STIP1: variants seen among roughly 807,000 people sequenced by gnomAD.
STIP1 encodes the protein stress induced phosphoprotein 1.
Under a neutral mutation model 77.4 loss-of-function variants are expected in STIP1, and 16 were observed. The observed-to-expected ratio is 0.21, with a 90% CI of 0.14 to 0.31. The LOEUF (loss-of-function observed/expected upper bound fraction) is 0.31. STIP1 is among the 10% of genes least tolerant of loss of function. STIP1 has a pLI of 1.00. For synonymous variants in STIP1, 258 were observed against 246.6 expected (o/e 1.05, Z -0.44); for missense variants, 524 against 684.8 (o/e 0.77, Z 2.62).
intron 5 of STIP1, among the ~76,000 whole-genome samples, chr11:64,196,260 A>ATGG (rs1422269683): frequency 6.6e-6 from 1 of 150,980 alleles, no homozygotes; most frequent in East Asian, 2.0e-4. Flanking sequence ...GCCAGGTGTC[A>ATGG]TGGTGGGCGC....
chr11:64,202,398 A>AG (rs1946228160), intron 10 of STIP1: 1 of 145,180 alleles, frequency 6.9e-6, no homozygotes, highest in African/African-American at 2.7e-5. Flanking sequence ...CCAGGCCAGC[A>AG]AATTTTTTTT....
At chr11:64,186,979 C>T (rs1435412373) in intron 1 of STIP1, among the ~76,000 whole-genome samples, 4 of 152,084 alleles carry the variant, frequency 2.6e-5, no homozygotes, top group African/African-American at 9.7e-5. Flanking sequence ...CGGCCCCTCC[C>T]CCTCTTTTTG....
At position 64,200,181 on chromosome 11, in the gene STIP1, AG is replaced by A; in HGVS notation, c.1135del (p.Ala379ProfsTer2). On this transcript the variant is annotated frameshift_variant, in exon 10 of 14. Coordinates refer to ENST00000305218, the MANE Select transcript of STIP1 (RefSeq NM_006819.3). LOFTEE classifies it high-confidence loss of function. ...TTTTCTTCCCCAGGGGACTATCCCC[AG>A]GCCATGAAGCATTATACAGAAGCCA... Reference protein sequence around the residue: ...NECFQKGDYPQAMKHYTEAIK... With the variant: ...NECFQKGDYPXAMKHYTEAIK... 6.2e-7 allele frequency: 1 copy of A among 1,613,074 alleles called. No homozygotes were observed. The highest frequency in any genetic ancestry group is 1.7e-5 in the Admixed American group (1 of 59,696).
Position 64,197,494 on chromosome 11 carries a change from G to C in STIP1, c.801G>C (p.Ala267=), listed in dbSNP as rs757105298. Residue 267 remains alanine, a splice_region_variant and synonymous_variant, in exon 7 of 14, where the codon GCG becomes GCC. Coordinates refer to ENST00000305218, the MANE Select transcript of STIP1 (RefSeq NM_006819.3). ...TNMTYITNQA[A]VYFEKGDYNK... ...CTTCTTAACCATCCTGCCTGGCAGC[G>C]GTATACTTTGAAAAGGGCGACTACA... 2 of 1,614,088 alleles carry C rather than the reference G, an allele frequency of 1.2e-6. No homozygotes were observed. Among genetic ancestry groups the C allele is most frequent in the Admixed American group, 1.7e-5 (1 of 59,992 alleles).
chr11:64,202,049 T>C lies in STIP1; in HGVS notation c.1246-827T>C, dbSNP rs1448073402. Among the ~76,000 whole-genome samples the C allele has an allele frequency of 2.6e-5, 4 of 152,226 alleles. No individual in the cohort carries two copies. The East Asian group carries it at 7.7e-4, about 29-fold the overall frequency. ...AATTGTATACATTTGGTACTTAGAA[T>C]GAGACATCCAAGTCTTGTGCACGCA... On this transcript the variant is annotated intron_variant, in intron 10 of 13. Coordinates refer to ENST00000305218, the MANE Select transcript of STIP1 (RefSeq NM_006819.3).
intron 1 of STIP1, among the ~76,000 whole-genome samples, chr11:64,191,028 A>C (rs1031362855): frequency 5.9e-5 from 9 of 151,998 alleles, no homozygotes; most frequent in Non-Finnish European, 1.0e-4. Context: ...TCTCTACTAA[A>C]AATACAAAAT....
At chr11:64,192,350 A>C (rs558877924) in intron 1 of STIP1, among the ~76,000 whole-genome samples, 1 of 152,276 alleles carries the variant, frequency 6.6e-6, no homozygotes, top group Admixed American at 6.5e-5. Flanking sequence ...CTGTATCCTT[A>C]CTTCTTGCAC....
At chr11:64,199,204 A>T (rs1476927374) in intron 8 of STIP1, among the ~76,000 whole-genome samples, 1 of 121,166 alleles carries the variant, frequency 8.3e-6, no homozygotes, top group African/African-American at 3.2e-5. Flanking sequence ...ATCTCAAAAA[A>T]AAAAATCTTG....
chr11:64,192,066 A>G (rs567947705), intron 1 of STIP1, among the ~76,000 whole-genome samples: 27 of 152,268 alleles, frequency 1.8e-4, no homozygotes, highest in African/African-American at 6.5e-4. Context: ...TAATCCCAGC[A>G]CTTTGGGAGG....
intron 1 of STIP1, among the ~76,000 whole-genome samples, chr11:64,187,358 G>A (rs539295247): frequency 6.6e-6 from 1 of 151,914 alleles, no homozygotes; most frequent in East Asian, 1.9e-4. Flanking sequence ...TTCGCTCCGG[G>A]CCCATAACAC....
At chr11:64,190,641 G>A (rs925417674) in intron 1 of STIP1, among the ~76,000 whole-genome samples, 8 of 152,130 alleles carry the variant, frequency 5.3e-5, no homozygotes, top group Non-Finnish European at 1.2e-4. Flanking sequence ...CAATTTACTG[G>A]GTCGTGGGTG....
Position 64,199,061 on chromosome 11 carries a change from G to A in STIP1, c.1024-879G>A, listed in dbSNP as rs137934334. Among the ~76,000 whole-genome samples the A allele has an allele frequency of 2.3e-3, 352 of 151,814 alleles. 2 individuals carry two copies. Among genetic ancestry groups the A allele is most frequent in the Non-Finnish European group, 4.3e-3 (291 of 67,954 alleles). On this transcript the variant is annotated intron_variant, in intron 8 of 13. Transcript: ENST00000305218. ...AAAAATACGAAAAAATTAGCTGGGC[G>A]CAGTGGCAGGCGCCTGTAATCCCAA... is the stretch of plus-strand genomic sequence containing the variant.
chr11:64,194,158 T>C, intron 2 of STIP1, 31 bp from the exon 3 acceptor site: 1 of 1,592,280 alleles, frequency 6.3e-7, no homozygotes, highest in Admixed American at 1.8e-5. Flanking sequence ...CTGGGTGTTC[T>C]CTATTTTGTG....
rs1291028523 is a variant in STIP1, at chr11:64,203,330, T to C, written c.1386+102T>C. ...TTCTTCCCTGTCACCTCCATTTCTC[T>C]CTGTTTCTCTCTTACTTGTTCTCTC... On this transcript the variant is annotated intron_variant, in intron 12 of 13. Coordinates refer to ENST00000305218, the MANE Select transcript of STIP1 (RefSeq NM_006819.3). The C allele has an allele frequency of 4.4e-6, 7 of 1,573,604 alleles. No homozygotes were observed. In the East Asian group the frequency reaches 1.4e-4, roughly 30 times the overall value.
At position 64,186,275 on chromosome 11, in the gene STIP1, A is replaced by G. The variant is rs1200295020; in HGVS notation, c.9+5A>G. 5.9e-5 allele frequency: 65 copies of G among 1,094,632 alleles called. No individual in the cohort carries two copies. Among genetic ancestry groups the G allele is most frequent in the Non-Finnish European group, 6.2e-5 (55 of 886,078 alleles). 67.8% of individuals were successfully genotyped at this position (1,094,632 alleles called of 1,614,324 possible). On this transcript the variant is annotated splice_donor_5th_base_variant and intron_variant, in intron 1 of 13. Transcript: ENST00000305218. The stretch of plus-strand genomic sequence containing the variant: ...CCGCGCTGCGCTATGGAGCAGGTGA[A>G]GGGGGAGGGGCGGGCTGAGGCCCCG...
In STIP1 at chr11:64,193,171, C is replaced by T. The variant is rs1246857836; in HGVS notation, c.103C>T (p.Pro35Ser). Residue 35 changes from proline (P) to serine (S), a missense_variant, in exon 2 of 14, where the codon CCC (proline) becomes TCC (serine). By Grantham distance (74) the Pro-to-Ser change is moderately conservative. Coordinates refer to ENST00000305218, the MANE Select transcript of STIP1 (RefSeq NM_006819.3). ...QCYSEAIKLD[P>S]HNHVLYSNRS... Reference sequence around the variant, plus strand: ...CTACTCCGAAGCTATTAAGCTGGATCCCCACAACCACGTGCTGTACAGCAA... The same window carrying T: ...CTACTCCGAAGCTATTAAGCTGGATTCCCACAACCACGTGCTGTACAGCAA... 2 of 1,614,172 alleles carry T rather than the reference C, an allele frequency of 1.2e-6. No individual in the cohort carries two copies. The highest frequency in any genetic ancestry group is 1.7e-6 in the Non-Finnish European group (2 of 1,180,042).
chr11:64,186,463 G>A (rs1240045740), intron 1 of STIP1, 193 bp downstream of exon 1: 6 of 551,618 alleles, frequency 1.1e-5, no homozygotes, highest in Non-Finnish European at 1.6e-5. Flanking sequence ...GGCCGGCCGC[G>A]GGGAGCGCCC....
intron 8 of STIP1, among the ~76,000 whole-genome samples, chr11:64,198,583 G>C (rs1401928062): frequency 6.6e-6 from 1 of 152,052 alleles, no homozygotes; most frequent in Admixed American, 6.6e-5. Flanking sequence ...CTGAACTCAA[G>C]TGATCCGCCC....
intron 8 of STIP1, 137 bp downstream of exon 8, chr11:64,198,111 GAC>G: frequency 2.4e-6 from 3 of 1,272,210 alleles, no homozygotes; most frequent in Non-Finnish European, 3.2e-6. Flanking sequence ...CAGGCTGAAA[GAC>G]AGTGGCACAA....
Sources: gnomAD v4.1 joint callset for allele counts (sites outside exome capture counted in the v4.1 genomes callset) on GRCh38, gnomAD v4.1.1 for gene constraint, MANE v1.5 for transcripts, NCBI Gene and HGNC (gene_info 2026-07-23, HGNC 2026-07-21) for gene names.